Variants in GCA observed in about 807,000 individuals in gnomAD.
GCA encodes grancalcin, also known as grancalcin, EF-hand calcium-binding protein.
In GCA, 30 loss-of-function variants were observed where a neutral mutation model predicts 32.6. The ratio of observed to expected loss-of-function variants is 0.92; its 90% CI spans 0.69 to 1.25. The LOEUF is 1.25. GCA is among the 50% of genes most tolerant of loss of function. The pLI is 0.00. For missense variants in GCA, 291 were observed against 266.8 expected (o/e 1.09, Z -0.63); for synonymous variants, 102 against 84.6 (o/e 1.21, Z -1.13).
intron 7 of GCA, 22 bp downstream of exon 7, chr2:162,359,574 T>A: frequency 7.6e-7 from 1 of 1,323,322 alleles, no homozygotes. Flanking sequence ...GCTTTTGATA[T>A]TTATACTGCA....
intron 1 of GCA, among the ~76,000 whole-genome samples, chr2:162,322,503 C>T (rs1017658450): frequency 6.0e-5 from 9 of 150,658 alleles, no homozygotes; most frequent in African/African-American, 2.2e-4. Context: ...GTGCGCTGCA[C>T]CCACTAACTC....
chr2:162,332,357 TATATTA>T (rs1416422805), intron 1 of GCA, among the ~76,000 whole-genome samples: 1 of 146,274 alleles, frequency 6.8e-6, no homozygotes, highest in Non-Finnish European at 1.5e-5. Flanking sequence ...ATATTATTTA[TATATTA>T]TATGATATAT....
chr2:162,345,131 G>GGTGGTGGTGGTGGTTGTTGTGGTT (rs146219747), intron 1 of GCA, among the ~76,000 whole-genome samples: 1 of 144,140 alleles, frequency 6.9e-6, no homozygotes, highest in Admixed American at 7.7e-5. Context: ...TGGTGGTGGT[G>GGTGGTGGTGGTGGTTGTTGTGGTT]GTGGTTGTGG....
upstream of GCA, chr2:162,344,094 C>A (rs1684544368): frequency 4.0e-6 from 3 of 741,828 alleles, no homozygotes; most frequent in African/African-American, 3.4e-5. Flanking sequence ...GGCTGGCCTG[C>A]GGAAGGGGGC....
At chr2:162,370,378 C>A (rs1299802103) in intron 4 of GCA, among the ~76,000 whole-genome samples, 1 of 152,056 alleles carries the variant, frequency 6.6e-6, no homozygotes, top group Non-Finnish European at 1.5e-5. Flanking sequence ...AATAACATTT[C>A]TTAACTAGAA....
rs143720411 is a variant in GCA, at chr2:162,329,081, T to C, written c.-31+9856T>C. Among the ~76,000 whole-genome samples the C allele has an allele frequency of 3.3e-3, 509 of 152,214 alleles. 1 individual carries two copies. Among genetic ancestry groups the C allele is most frequent in the African/African-American group, 0.012 (497 of 41,510 alleles). On this transcript the variant is annotated intron_variant, in intron 1 of 4. Coordinates refer to the GCA transcript ENST00000429691. ...TCCTCTTGATGTCCAGCTCCTTCTA[T>C]GTCTGCCTGCTACGGTCTCGGGGGT...
intron 2 of GCA, among the ~76,000 whole-genome samples, chr2:162,351,457 G>T (rs1296138141): frequency 6.6e-6 from 1 of 152,188 alleles, no homozygotes; most frequent in African/African-American, 2.4e-5. Flanking sequence ...ACCTAATTCA[G>T]TTAAGGGAAG....
chr2:162,374,570 A>T (rs976576284), downstream of GCA, among the ~76,000 whole-genome samples: 1 of 152,198 alleles, frequency 6.6e-6, no homozygotes, highest in African/African-American at 2.4e-5. Flanking sequence ...TGAATAAAAA[A>T]TGGAAATAAA....
chr2:162,371,254 C>A, intron 4 of GCA: 2 of 953,526 alleles, frequency 2.1e-6, no homozygotes, highest in Non-Finnish European at 2.9e-6. Flanking sequence ...TTGGATATGG[C>A]TTCCTATACT....
At chr2:162,348,956 A>G (rs1302860783) in intron 2 of GCA, among the ~76,000 whole-genome samples, 1 of 151,964 alleles carries the variant, frequency 6.6e-6, no homozygotes, top group East Asian at 1.9e-4. Flanking sequence ...ATAATATAAT[A>G]TTATATGAGT....
upstream of GCA, among the ~76,000 whole-genome samples, chr2:162,343,622 G>A (rs911419193): frequency 1.3e-5 from 2 of 152,172 alleles, no homozygotes; most frequent in African/African-American, 2.4e-5. Context: ...GGGTTTTGGC[G>A]CAGAAGCACT....
chr2:162,365,651 G>T (rs964189080), downstream of GCA, among the ~76,000 whole-genome samples: 1 of 151,542 alleles, frequency 6.6e-6, no homozygotes, highest in Admixed American at 6.6e-5. Flanking sequence ...TTTTTGAAAT[G>T]TATTATTATT....
chr2:162,325,203 T>A (rs1683831609), intron 1 of GCA, among the ~76,000 whole-genome samples: 1 of 152,212 alleles, frequency 6.6e-6, no homozygotes, highest in African/African-American at 2.4e-5. Flanking sequence ...TAACTGTTGT[T>A]GCCATATCCT....
rs769512674 is a variant in GCA at position 162,359,146 on chromosome 2, G to A, written c.557G>A (p.Arg186Gln). 1.5e-5 allele frequency: 24 copies of A among 1,586,824 alleles called. No homozygotes were observed. The Admixed American group carries it at 2.7e-4, about 18-fold the overall frequency. ...DDYVACCVKL[R>Q]ALTDFFRKRD... ...TATGTTGCTTGCTGTGTGAAGCTTC[G>A]AGCATTGACAGGTATTGACTATTTA... The change falls in exon 6 of 8, where the codon CGA becomes CAA. Residue 186 changes from arginine to glutamine, a missense_variant. Transcript: ENST00000437150.
At chr2:162,368,056 G>A (rs1008708044), downstream of GCA, among the ~76,000 whole-genome samples, 1 of 151,652 alleles carries the variant, frequency 6.6e-6, no homozygotes, top group Admixed American at 6.6e-5. Flanking sequence ...CGTGAGGGAG[G>A]GCTTGTTAAA....
At chr2:162,354,312 C>G (rs189384351) in intron 3 of GCA, among the ~76,000 whole-genome samples, 1 of 152,062 alleles carries the variant, frequency 6.6e-6, no homozygotes, top group Non-Finnish European at 1.5e-5. Flanking sequence ...TTTAGGGATT[C>G]CCTTTTGGAC....
chr2:162,340,527 C>A (rs1430438884), upstream of GCA, among the ~76,000 whole-genome samples: 1 of 152,212 alleles, frequency 6.6e-6, no homozygotes, highest in Non-Finnish European at 1.5e-5. Context: ...CTACACTAAC[C>A]TCCTTCTGTC....
intron 1 of GCA, among the ~76,000 whole-genome samples, chr2:162,346,101 A>G (rs1272404207): frequency 1.3e-5 from 2 of 152,148 alleles, no homozygotes; most frequent in Non-Finnish European, 2.9e-5. Flanking sequence ...AACTCAATGT[A>G]AAGGACTTTT....
chr2:162,322,599 T>G (rs1683717600), intron 1 of GCA, among the ~76,000 whole-genome samples: 1 of 130,750 alleles, frequency 7.6e-6, no homozygotes, highest in Non-Finnish European at 1.6e-5. Context: ...GATGTTCTCC[T>G]TCCTGTGTCC....
Sources: allele counts gnomAD v4.1 joint callset (sites outside exome capture counted in the v4.1 genomes callset), GRCh38; gene constraint gnomAD v4.1.1; transcripts MANE v1.5; gene names NCBI Gene and HGNC (gene_info 2026-07-23, HGNC 2026-07-21).